Variants in DHRS13 observed in about 807,000 individuals in gnomAD.
DHRS13 encodes dehydrogenase/reductase 13.
Under a neutral mutation model 17.9 loss-of-function variants are expected in DHRS13, and 22 were observed. The ratio of observed to expected loss-of-function variants is 1.23; its 90% CI spans 0.88 to 1.75. The LOEUF is 1.75. Ranked by LOEUF, DHRS13 falls within the 40% of genes most tolerant of loss-of-function variation. The pLI is 0.00. For synonymous variants in DHRS13, 206 were observed against 220.4 expected (o/e 0.93, Z 0.58); for missense variants, 483 against 519.9 (o/e 0.93, Z 0.69).
At position 28,902,037 on chromosome 17, in the gene DHRS13, C is replaced by G. The variant is rs1007430824; in HGVS notation, c.247-421G>C. Reference sequence around the variant, plus strand: ...CTCCTCTCTCCCGCTCTTGCCCCCCCACTCCAGGCACCACGCAGCCACAAA... The same window carrying G: ...CTCCTCTCTCCCGCTCTTGCCCCCCGACTCCAGGCACCACGCAGCCACAAA... On this transcript the variant is annotated intron_variant, in intron 2 of 4. Coordinates refer to ENST00000378895, the MANE Select transcript of DHRS13 (RefSeq NM_144683.4). The surrounding 1 kb of genome is among the most constrained non-coding windows in gnomAD (Gnocchi z 4.0). 46 of 178,508 alleles carry G rather than the reference C, an allele frequency of 2.6e-4. No individual in the cohort carries two copies. The highest frequency in any genetic ancestry group is 1.0e-3 in the African/African-American group (42 of 41,898). The allele number at this position is 178,508 out of a possible 1,614,324, so 11.1% of individuals were successfully genotyped here. A position where few individuals can be genotyped will look rare whatever the true frequency, so the allele number is the denominator to read the frequency against.
In DHRS13 at chr17:28,899,991, G is replaced by A. The variant is rs559481403; in HGVS notation, c.682+999C>T. ...TGCGGTGGCGTGATCACGGCTCACT[G>A]CAACCTCCACCTCCCGGATTAAAGC... On this transcript the variant is annotated intron_variant, in intron 4 of 4. Transcript: ENST00000378895. This position sits in a 1 kb window ranked among gnomAD's most constrained non-coding sequence, Gnocchi z 4.7. Among the ~76,000 whole-genome samples the A allele has an allele frequency of 2.6e-5, 4 of 151,370 alleles. No individual in the cohort carries two copies. The South Asian group carries it at 8.3e-4, about 31-fold the overall frequency.
rs1567941307 is a variant in DHRS13, at chr17:28,898,581, C to T, written c.994G>A (p.Ala332Thr). 2.5e-6 allele frequency: 4 copies of T among 1,612,420 alleles called. No individual in the cohort carries two copies. Among genetic ancestry groups the T allele is most frequent in the Non-Finnish European group, 8.5e-7 (1 of 1,179,444 alleles). The change falls in exon 5 of 5, where the codon GCC becomes ACC. Residue 332 changes from alanine (A) to threonine (T), a missense_variant. Ala to Thr is a moderately conservative substitution (Grantham distance 58, BLOSUM62 0). Coordinates refer to ENST00000378895, the MANE Select transcript of DHRS13 (RefSeq NM_144683.4). The part of the protein sequence containing the change: ...DEDPQSEDSE[A>T]PSSLSTPHPE... ...TGGGGGGTGCTTAGAGAAGATGGGG[C>T]CTCTGAGTCCTCAGACTGGGGGTCT...
rs976197847 is a variant in DHRS13, at chr17:28,900,926, T to TG, written c.682+63dup. The TG allele has an allele frequency of 6.0e-6, 9 of 1,498,826 alleles. No individual in the cohort carries two copies. The African/African-American group carries it at 7.1e-5, about 12-fold the overall frequency. The allele number at this position is 1,498,826 out of a possible 1,614,324, so 92.8% of individuals were successfully genotyped here. On this transcript the variant is annotated intron_variant, in intron 4 of 4. Coordinates refer to ENST00000378895, the MANE Select transcript of DHRS13 (RefSeq NM_144683.4). ...GGAGGGTGGGGAGGCGGTAGTGGTG[T>TG]GGGGGGCACAGGATGGGGCAAGGAA... is the stretch of plus-strand genomic sequence containing the variant.
rs1007430824 is a variant in DHRS13, at chr17:28,902,037, C to T, written c.247-421G>A. On this transcript the variant is annotated intron_variant, in intron 2 of 4. Transcript: ENST00000378895. This position sits in a 1 kb window ranked among gnomAD's most constrained non-coding sequence, Gnocchi z 4.0. ...CTCCTCTCTCCCGCTCTTGCCCCCCCACTCCAGGCACCACGCAGCCACAAA... is the reference window on the plus strand; with the variant it reads ...CTCCTCTCTCCCGCTCTTGCCCCCCTACTCCAGGCACCACGCAGCCACAAA... 1.7e-5 allele frequency: 3 copies of T among 178,390 alleles called. No homozygotes were observed. The highest frequency in any genetic ancestry group is 1.1e-4 in the South Asian group (1 of 9,510). 11.1% of individuals were successfully genotyped at this position (178,390 alleles called of 1,614,324 possible).
intron 4 of DHRS13, among the ~76,000 whole-genome samples, chr17:28,900,227 C>G (rs1430705355): frequency 6.6e-6 from 1 of 152,126 alleles, no homozygotes; most frequent in Non-Finnish European, 1.5e-5. Flanking sequence ...TGGGGTTTCA[C>G]CATGTTGCCC....
chr17:28,902,037 C>A lies in DHRS13; in HGVS notation c.247-421G>T, dbSNP rs1007430824. The A allele has an allele frequency of 5.6e-5, 10 of 178,390 alleles. No homozygotes were observed. The highest frequency in any genetic ancestry group is 3.4e-4 in the East Asian group (2 of 5,884). 11.1% of individuals were successfully genotyped at this position (178,390 alleles called of 1,614,324 possible). A position where few individuals can be genotyped will look rare whatever the true frequency, so the allele number is the denominator to read the frequency against. On this transcript the variant is annotated intron_variant, in intron 2 of 4. Transcript: ENST00000378895. The surrounding 1 kb of genome is among the most constrained non-coding windows in gnomAD (Gnocchi z 4.0). Reference sequence around the variant, plus strand: ...CTCCTCTCTCCCGCTCTTGCCCCCCCACTCCAGGCACCACGCAGCCACAAA... The same window carrying A: ...CTCCTCTCTCCCGCTCTTGCCCCCCAACTCCAGGCACCACGCAGCCACAAA...
chr17:28,898,454 A>G lies in DHRS13; in HGVS notation c.1121T>C (p.Ile374Thr). The part of the protein sequence containing the change: ...HRIQAKVEPE[I>T]QLS The stretch of plus-strand genomic sequence containing the variant: ...CTGGCCTGAGGGTTAGGAGAGCTGG[A>G]TCTCAGGCTCAACTTTAGCCTGAAT... Residue 374 changes from isoleucine to threonine, a missense_variant, in exon 5 of 5, where the codon ATC becomes ACC. Physicochemically the swap from Ile to Thr is moderately conservative, Grantham distance 89. Transcript: ENST00000378895. 6.4e-7 allele frequency: 1 copy of G among 1,557,372 alleles called. No homozygotes were observed. Among genetic ancestry groups the G allele is most frequent in the Non-Finnish European group, 8.7e-7 (1 of 1,150,042 alleles).
rs868747957 is a variant in DHRS13, at chr17:28,901,422, C to T, written c.370+71G>A. 3.4e-5 allele frequency: 54 copies of T among 1,606,552 alleles called. No individual in the cohort carries two copies. The Middle Eastern group carries it at 1.3e-3, about 40-fold the overall frequency. On this transcript the variant is annotated intron_variant, in intron 3 of 4. Coordinates refer to ENST00000378895, the MANE Select transcript of DHRS13 (RefSeq NM_144683.4). The surrounding 1 kb of genome is among the most constrained non-coding windows in gnomAD (Gnocchi z 4.3). Reference sequence around the variant, plus strand: ...ATGTGTCCACTGGCCCCAGCAGGGCCCCCGCTGGAGGGGGCAGTTGCCCCT... The same window carrying T: ...ATGTGTCCACTGGCCCCAGCAGGGCTCCCGCTGGAGGGGGCAGTTGCCCCT...
chr17:28,898,063 C>A lies in DHRS13; in HGVS notation c.*378G>T. On this transcript the variant is annotated 3_prime_UTR_variant, in exon 5 of 5. Coordinates refer to ENST00000378895, the MANE Select transcript of DHRS13 (RefSeq NM_144683.4). ...ACATGGGGGTAATTTAACTACCTAG[C>A]TAGACGGTTGCAAAGGGATCAGTTC... 1 of 250,238 alleles carries A rather than the reference C, an allele frequency of 4.0e-6. No individual in the cohort carries two copies. Among genetic ancestry groups the A allele is most frequent in the Non-Finnish European group, 7.6e-6 (1 of 131,130 alleles). The allele number at this position is 250,238 out of a possible 1,614,324, so 15.5% of individuals were successfully genotyped here. A position where few individuals can be genotyped will look rare whatever the true frequency, so the allele number is the denominator to read the frequency against.
chr17:28,902,982 C>T lies in DHRS13; in HGVS notation c.-38G>A. The stretch of plus-strand genomic sequence containing the variant: ...TCCCGGCTCCCGCCCAGGCCCCGCA[C>T]CGCCCTGGATCGCCGCCAGGCGGCT... On this transcript the variant is annotated 5_prime_UTR_variant, in exon 1 of 5. It adds an upstream start codon to the 5' untranslated region. Transcript: ENST00000378895. This position sits in a 1 kb window ranked among gnomAD's most constrained non-coding sequence, Gnocchi z 4.0. 7.0e-7 allele frequency: 1 copy of T among 1,432,200 alleles called. No homozygotes were observed. The highest frequency in any genetic ancestry group is 1.4e-5 in the South Asian group (1 of 71,664). 88.7% of individuals were successfully genotyped at this position (1,432,200 alleles called of 1,614,324 possible).
chr17:28,898,584 C>G lies in DHRS13; in HGVS notation c.991G>C (p.Glu331Gln). Residue 331 changes from glutamate (E) to glutamine (Q), a missense_variant, in exon 5 of 5, where the codon GAG becomes CAG. Coordinates refer to ENST00000378895, the MANE Select transcript of DHRS13 (RefSeq NM_144683.4). ...GGGGTGCTTAGAGAAGATGGGGCCTCTGAGTCCTCAGACTGGGGGTCTTCA... is the reference window on the plus strand; with the variant it reads ...GGGGTGCTTAGAGAAGATGGGGCCTGTGAGTCCTCAGACTGGGGGTCTTCA... The part of the protein sequence containing the change: ...PDEDPQSEDS[E>Q]APSSLSTPHP... The G allele has an allele frequency of 6.2e-7, 1 of 1,612,736 alleles. No individual in the cohort carries two copies. Among genetic ancestry groups the G allele is most frequent in the South Asian group, 1.1e-5 (1 of 90,910 alleles).
rs1463841171 is a variant in DHRS13, at chr17:28,902,786, G to A, written c.127+32C>T. On this transcript the variant is annotated intron_variant, in intron 1 of 4. Coordinates refer to ENST00000378895, the MANE Select transcript of DHRS13 (RefSeq NM_144683.4). The surrounding 1 kb of genome is among the most constrained non-coding windows in gnomAD (Gnocchi z 4.0). ...GCCCGGCCTCCTCTCCGCGCGCCCC[G>A]CCAGCTCGCACTCACCCGCCTCCGC... The A allele has an allele frequency of 2.7e-6, 4 of 1,481,830 alleles. No individual in the cohort carries two copies. The highest frequency in any genetic ancestry group is 3.0e-5 in the East Asian group (1 of 33,842). 91.8% of individuals were successfully genotyped at this position (1,481,830 alleles called of 1,614,324 possible).
chr17:28,902,534 C>G lies in DHRS13; in HGVS notation c.246+49G>C. 7.0e-7 allele frequency: 1 copy of G among 1,434,544 alleles called. No individual in the cohort carries two copies. Among genetic ancestry groups the G allele is most frequent in the Non-Finnish European group, 9.1e-7 (1 of 1,098,116 alleles). The allele number at this position is 1,434,544 out of a possible 1,614,324, so 88.9% of individuals were successfully genotyped here. A position where few individuals can be genotyped will look rare whatever the true frequency, so the allele number is the denominator to read the frequency against. On this transcript the variant is annotated intron_variant, in intron 2 of 4. Coordinates refer to ENST00000378895, the MANE Select transcript of DHRS13 (RefSeq NM_144683.4). This position sits in a 1 kb window ranked among gnomAD's most constrained non-coding sequence, Gnocchi z 4.0. Reference sequence around the variant, plus strand: ...AGCCCCTTTGCTGGCTTCTCTGTGTCCCGGCGGGTTCTCGGCTCACCGTCC... The same window carrying G: ...AGCCCCTTTGCTGGCTTCTCTGTGTGCCGGCGGGTTCTCGGCTCACCGTCC...
In DHRS13 at chr17:28,899,004, C is replaced by A. The variant is rs1426694428; in HGVS notation, c.683-112G>T. The A allele has an allele frequency of 2.0e-6, 2 of 979,278 alleles. No individual in the cohort carries two copies. Among genetic ancestry groups the A allele is most frequent in the Non-Finnish European group, 1.5e-6 (1 of 684,776 alleles). 60.7% of individuals were successfully genotyped at this position (979,278 alleles called of 1,614,324 possible). A position where few individuals can be genotyped will look rare whatever the true frequency, so the allele number is the denominator to read the frequency against. ...ATCACTTGAGCCCAGGAGTTTGAGA[C>A]CAGACTGGGCAACATAGTCAAGCTC... On this transcript the variant is annotated intron_variant, in intron 4 of 4. Coordinates refer to ENST00000378895, the MANE Select transcript of DHRS13 (RefSeq NM_144683.4). This position sits in a 1 kb window ranked among gnomAD's most constrained non-coding sequence, Gnocchi z 4.7.
Position 28,901,707 on chromosome 17 carries a change from T to C in DHRS13, c.247-91A>G, listed in dbSNP as rs998190407. On this transcript the variant is annotated intron_variant, in intron 2 of 4. Coordinates refer to ENST00000378895, the MANE Select transcript of DHRS13 (RefSeq NM_144683.4). The surrounding 1 kb of genome is among the most constrained non-coding windows in gnomAD (Gnocchi z 4.3). ...CAAATTCTGAGAGTCCATCTCCTACTGTTTACTAAAATCTGCCCCTGTGTC... is the reference window on the plus strand; with the variant it reads ...CAAATTCTGAGAGTCCATCTCCTACCGTTTACTAAAATCTGCCCCTGTGTC... 4.5e-6 allele frequency: 7 copies of C among 1,559,362 alleles called. No individual in the cohort carries two copies. The Admixed American group carries it at 7.6e-5, about 17-fold the overall frequency.
chr17:28,900,202 C>T (rs186665737), intron 4 of DHRS13, among the ~76,000 whole-genome samples: 14 of 152,212 alleles, frequency 9.2e-5, no homozygotes, highest in Non-Finnish European at 1.3e-4. Context: ...TGAGCCACCA[C>T]GCCCAGCCTA....
In DHRS13 at chr17:28,898,762, T is replaced by C. The variant is rs749532920; in HGVS notation, c.813A>G (p.Gln271=). 5 of 1,613,584 alleles carry C rather than the reference T, an allele frequency of 3.1e-6. No individual in the cohort carries two copies. In the Admixed American group the frequency reaches 6.7e-5, roughly 22 times the overall value. ...TCCCACTGAGGGGCTCGATGCCCTC[T>C]TGTAGAGCACAATACAGGGGTGTCT... is the stretch of plus-strand genomic sequence containing the variant. ...GAQTPLYCAL[Q]EGIEPLSGRY... The change falls in exon 5 of 5, where the codon CAA becomes CAG. Residue 271 remains glutamine, a synonymous_variant. Coordinates refer to ENST00000378895, the MANE Select transcript of DHRS13 (RefSeq NM_144683.4).
intron 4 of DHRS13, among the ~76,000 whole-genome samples, chr17:28,900,345 T>G (rs971176206): frequency 6.6e-6 from 1 of 152,212 alleles, no homozygotes; most frequent in Non-Finnish European, 1.5e-5. Flanking sequence ...CACTTATTAT[T>G]TGCACTGTTC....
At position 28,902,760 on chromosome 17, in the gene DHRS13, G is replaced by A; in HGVS notation, c.127+58C>T. 3 of 1,410,222 alleles carry A rather than the reference G, an allele frequency of 2.1e-6. No homozygotes were observed. Among genetic ancestry groups the A allele is most frequent in the Non-Finnish European group, 2.8e-6 (3 of 1,089,764 alleles). 87.4% of individuals were successfully genotyped at this position (1,410,222 alleles called of 1,614,324 possible). On this transcript the variant is annotated intron_variant, in intron 1 of 4. Transcript: ENST00000378895. The surrounding 1 kb of genome is among the most constrained non-coding windows in gnomAD (Gnocchi z 4.0). ...AGCCCGGCGGGCCGCTGCTACCGCC[G>A]GCCCGGCCTCCTCTCCGCGCGCCCC...
Sources: gnomAD v4.1 joint callset for allele counts (sites outside exome capture counted in the v4.1 genomes callset) on GRCh38, gnomAD v4.1.1 for gene constraint, Gnocchi (gnomAD v3.1) non-coding constraint, MANE v1.5 for transcripts, NCBI Gene and HGNC (gene_info 2026-07-23, HGNC 2026-07-21) for gene names.